Variants in MBD5 observed in about 807,000 individuals in gnomAD.
MBD5 encodes the protein methyl-CpG binding domain protein 5.
Under a neutral mutation model 117.3 loss-of-function variants are expected in MBD5, and 13 were observed. That is an observed-to-expected ratio of 0.11 (90% CI 0.07 to 0.18). The LOEUF (loss-of-function observed/expected upper bound fraction) is 0.18. Ranked by LOEUF, MBD5 falls within the 10% of genes least tolerant of loss-of-function variation. MBD5 has a pLI of 1.00. For missense variants in MBD5, 1,879 were observed against 2,093.8 expected (o/e 0.90, Z 2.00); for synonymous variants, 727 against 766.4 (o/e 0.95, Z 0.85).
At chr2:148,291,018 A>G (rs1368298028) in intron 3 of MBD5, among the ~76,000 whole-genome samples, 3 of 152,160 alleles carry the variant, frequency 2.0e-5, no homozygotes, top group Admixed American at 6.5e-5. Flanking sequence ...TTGTCAATAC[A>G]TGCTTTATTT....
chr2:148,170,571 G>A (rs1022672047), intron 1 of MBD5, among the ~76,000 whole-genome samples: 1 of 152,150 alleles, frequency 6.6e-6, no homozygotes, highest in Non-Finnish European at 1.5e-5. Flanking sequence ...AACTATGTAT[G>A]ATATTTGTGA....
At chr2:148,128,106 G>A (rs189446035) in intron 1 of MBD5, among the ~76,000 whole-genome samples, 34 of 151,958 alleles carry the variant, frequency 2.2e-4, no homozygotes, top group Non-Finnish European at 1.5e-5. Context: ...ATTTGTTTAA[G>A]TTTCTTGTAG....
intron 4 of MBD5, among the ~76,000 whole-genome samples, chr2:148,359,341 G>T (rs1703468725): frequency 6.6e-6 from 1 of 151,804 alleles, no homozygotes. Context: ...ATTTCATAGG[G>T]TGGTAATGAT....
At chr2:148,440,315 G>T (rs1052190878) in intron 4 of MBD5, among the ~76,000 whole-genome samples, 1 of 152,104 alleles carries the variant, frequency 6.6e-6, no homozygotes, top group African/African-American at 2.4e-5. Flanking sequence ...TTTCTGATTT[G>T]TTACTTCATC....
At chr2:148,133,450 A>T (rs979456458) in intron 1 of MBD5, among the ~76,000 whole-genome samples, 4 of 152,226 alleles carry the variant, frequency 2.6e-5, no homozygotes, top group Non-Finnish European at 5.9e-5. Context: ...GCAAATTTGA[A>T]GCTTCTGCTT....
At chr2:148,248,719 C>A (rs1184532985) in intron 3 of MBD5, among the ~76,000 whole-genome samples, 1 of 151,816 alleles carries the variant, frequency 6.6e-6, no homozygotes, top group Non-Finnish European at 1.5e-5. Flanking sequence ...AGTAGGGAGA[C>A]TTATAAGATA....
At position 148,079,429 on chromosome 2, in the gene MBD5, T is replaced by A. The variant is rs116891894; in HGVS notation, c.-925+57745T>A. Among the ~76,000 whole-genome samples the A allele has an allele frequency of 7.9e-5, 12 of 152,280 alleles. No individual in the cohort carries two copies. In the East Asian group the frequency reaches 2.3e-3, roughly 29 times the overall value. On this transcript the variant is annotated intron_variant, in intron 1 of 13. Transcript: ENST00000642680. The stretch of plus-strand genomic sequence containing the variant: ...AAACTAGAGAAAGTGAAGCTTCATA[T>A]AATCTTCTTGGCTAGTGAGCATATA...
At chr2:148,427,782 A>G (rs912183053) in intron 4 of MBD5, among the ~76,000 whole-genome samples, 1 of 152,156 alleles carries the variant, frequency 6.6e-6, no homozygotes, top group African/African-American at 2.4e-5. Context: ...TAAAACTTAA[A>G]GTATAATAAA....
chr2:148,170,160 G>A (rs2105794267), intron 1 of MBD5, among the ~76,000 whole-genome samples: 1 of 152,292 alleles, frequency 6.6e-6, no homozygotes, highest in African/African-American at 2.4e-5. Flanking sequence ...GCTTCCCAAA[G>A]TGCTGGGATT....
intron 1 of MBD5, chr2:148,025,928 CA>C (rs1693879566): frequency 6.6e-6 from 1 of 152,074 alleles, no homozygotes; most frequent in Admixed American, 6.5e-5. Flanking sequence ...ATAGATGTTT[CA>C]AAAACAAAGA....
intron 2 of MBD5, among the ~76,000 whole-genome samples, chr2:148,225,292 A>G (rs1408046313): frequency 7.0e-6 from 1 of 143,854 alleles, no homozygotes; most frequent in East Asian, 2.0e-4. Context: ...TAACAACTTA[A>G]CACTGTTTAC....
chr2:148,232,767 G>A (rs192831706), intron 2 of MBD5, among the ~76,000 whole-genome samples: 2 of 151,208 alleles, frequency 1.3e-5, no homozygotes, highest in East Asian at 1.9e-4. Flanking sequence ...TTAGGTATCT[G>A]TTGCGTGAAT....
chr2:148,318,696 G>A (rs1702214056), intron 3 of MBD5, among the ~76,000 whole-genome samples: 1 of 151,960 alleles, frequency 6.6e-6, no homozygotes, highest in Non-Finnish European at 1.5e-5. Flanking sequence ...ACCCCTTGTT[G>A]AATAGGATGT....
intron 3 of MBD5, among the ~76,000 whole-genome samples, chr2:148,248,757 T>G (rs75853982): frequency 0.017 from 2,551 of 152,224 alleles, 29 homozygotes; most frequent in East Asian, 0.035. Flanking sequence ...CTTTAGTGAT[T>G]AGTAGAGTGT....
intron 3 of MBD5, among the ~76,000 whole-genome samples, chr2:148,325,490 T>G (rs1440566042): frequency 6.6e-6 from 1 of 152,222 alleles, no homozygotes; most frequent in Non-Finnish European, 1.5e-5. Flanking sequence ...TGGTAAGCTA[T>G]TGATTATTGC....
intron 3 of MBD5, among the ~76,000 whole-genome samples, chr2:148,278,030 G>A (rs1313754435): frequency 6.6e-6 from 1 of 152,176 alleles, no homozygotes; most frequent in East Asian, 1.9e-4. Context: ...ATTTTCTTGG[G>A]TCCCTTTGTA....
rs1682301765 is a variant in MBD5, at chr2:148,514,556, T to G, written c.*1615T>G. The G allele has an allele frequency of 4.6e-5, 7 of 152,278 alleles. No individual in the cohort carries two copies. 9.4% of individuals were successfully genotyped at this position (152,278 alleles called of 1,614,324 possible). A position where few individuals can be genotyped will look rare whatever the true frequency, so the allele number is the denominator to read the frequency against. The stretch of plus-strand genomic sequence containing the variant: ...ACTGCCTCGTCCTCTAGCCTGGGGC[T>G]CACACAACAGTCTGCCACTCAGGCT... On this transcript the variant is annotated 3_prime_UTR_variant, in exon 14 of 14. Coordinates refer to ENST00000642680, the MANE Select transcript of MBD5 (RefSeq NM_001378120.1).
At chr2:148,502,670 T>A (rs1180347542) in intron 12 of MBD5, among the ~76,000 whole-genome samples, 161 bp downstream of exon 12, 3 of 152,240 alleles carry the variant, frequency 2.0e-5, no homozygotes, top group African/African-American at 7.2e-5. Context: ...GCCAAATTAG[T>A]GATTATGGAA....
At chr2:148,166,687 GCA>G (rs979933190) in intron 1 of MBD5, among the ~76,000 whole-genome samples, 1 of 152,010 alleles carries the variant, frequency 6.6e-6, no homozygotes, top group Non-Finnish European at 1.5e-5. Flanking sequence ...CCACCTCCTT[GCA>G]CAGAGTTCTA....
Sources: gnomAD v4.1 joint callset for allele counts (sites outside exome capture counted in the v4.1 genomes callset) on GRCh38, gnomAD v4.1.1 for gene constraint, MANE v1.5 for transcripts, NCBI Gene and HGNC (gene_info 2026-07-23, HGNC 2026-07-21) for gene names.